Variants in NPAT observed in about 807,000 individuals in gnomAD.
NPAT encodes nuclear protein, coactivator of histone transcription.
In NPAT, 52 loss-of-function variants were observed where a neutral mutation model predicts 130.7. That is an observed-to-expected ratio of 0.40 (90% CI 0.32 to 0.50). The LOEUF is 0.50. NPAT is among the 20% of genes least tolerant of loss of function. The probability of loss-of-function intolerance (pLI) is 0.68; values close to 1 mark genes in which losing one functional copy is unlikely to be tolerated. For synonymous variants in NPAT, 580 were observed against 584.8 expected (o/e 0.99, Z 0.12); for missense variants, 1,687 against 1,662.6 (o/e 1.01, Z -0.26).
chr11:108,177,597 T>C (rs772104382), intron 10 of NPAT, among the ~76,000 whole-genome samples: 1 of 152,226 alleles, frequency 6.6e-6, no homozygotes, highest in East Asian at 1.9e-4. Flanking sequence ...CAAAACTAGA[T>C]AGGTGTTTCC....
At chr11:108,206,566 G>C (rs1189468649) in intron 1 of NPAT, among the ~76,000 whole-genome samples, 1 of 152,118 alleles carries the variant, frequency 6.6e-6, no homozygotes, top group African/African-American at 2.4e-5. Flanking sequence ...GAAGCTTGGA[G>C]ACATCAAGAA....
chr11:108,181,176 A>G lies in NPAT; in HGVS notation c.906+4056T>C, dbSNP rs189277380. Among the ~76,000 whole-genome samples, 48 of 152,348 alleles carry G rather than the reference A, an allele frequency of 3.2e-4. 1 individual carries two copies. The highest frequency in any genetic ancestry group is 1.2e-3 in the East Asian group (6 of 5,186). On this transcript the variant is annotated intron_variant, in intron 10 of 17. Coordinates refer to ENST00000278612, the MANE Select transcript of NPAT (RefSeq NM_002519.3). ...GAAGTAACTATGATTAAATGAGCCT[A>G]TAACTGGCTGGGTGTGGTGGCTCAC...
intron 15 of NPAT, among the ~76,000 whole-genome samples, chr11:108,165,491 G>T (rs966567430): frequency 2.8e-5 from 4 of 144,026 alleles, no homozygotes; most frequent in African/African-American, 1.0e-4. Flanking sequence ...TTGTGATAGG[G>T]TCTTGCTCTA....
At chr11:108,192,347 T>G (rs1250182347) in intron 3 of NPAT, among the ~76,000 whole-genome samples, 157 bp from the exon 4 acceptor site, 4 of 152,250 alleles carry the variant, frequency 2.6e-5, no homozygotes, top group African/African-American at 9.6e-5. Flanking sequence ...TGCAAAGCTA[T>G]AATGCGGTTG....
At chr11:108,181,487 A>C (rs1180154411) in intron 10 of NPAT, among the ~76,000 whole-genome samples, 1 of 152,102 alleles carries the variant, frequency 6.6e-6, no homozygotes. Context: ...AACAAAAAAA[A>C]CTTACAGCTA....
intron 1 of NPAT, among the ~76,000 whole-genome samples, chr11:108,205,009 C>T (rs1276884564): frequency 2.0e-5 from 3 of 152,220 alleles, no homozygotes; most frequent in African/African-American, 4.8e-5. Flanking sequence ...GGTAGCTCAA[C>T]AGTCTCTAAG....
chr11:108,162,038 AT>A lies in NPAT; in HGVS notation c.3072-25del, dbSNP rs1362844416. ...TTCTAAAACAAAACAAAACAAAACT[AT>A]TTCTAGCAGCATAAAGAAATCCTTT... On this transcript the variant is annotated intron_variant, in intron 16 of 17. Transcript: ENST00000278612. The A allele has an allele frequency of 6.2e-6, 10 of 1,611,692 alleles. No homozygotes were observed. The Admixed American group carries it at 1.5e-4, about 24-fold the overall frequency.
intron 1 of NPAT, among the ~76,000 whole-genome samples, chr11:108,204,153 C>G (rs79641592): frequency 1.3e-5 from 2 of 152,174 alleles, no homozygotes; most frequent in Non-Finnish European, 2.9e-5. Flanking sequence ...GGATTGATAG[C>G]AGCAAGAGAC....
chr11:108,194,493 TAGA>T (rs1480918013), intron 2 of NPAT, among the ~76,000 whole-genome samples: 1 of 152,244 alleles, frequency 6.6e-6, no homozygotes, highest in Non-Finnish European at 1.5e-5. Context: ...ATTGTTAATT[TAGA>T]AGAAATCAGA....
At chr11:108,188,004 T>C (rs2134860516) in intron 7 of NPAT, 94 bp downstream of exon 7, 1 of 851,308 alleles carries the variant, frequency 1.2e-6, no homozygotes, top group Non-Finnish European at 2.0e-6. Flanking sequence ...AATCTGGTCC[T>C]ATTAGTTTAT....
chr11:108,215,370 A>G (rs2078423933), intron 1 of NPAT, among the ~76,000 whole-genome samples: 1 of 152,158 alleles, frequency 6.6e-6, no homozygotes, highest in South Asian at 2.1e-4. Context: ...ACTGGGGCCT[A>G]TTGGAGGTGA....
intron 15 of NPAT, among the ~76,000 whole-genome samples, chr11:108,162,467 A>G (rs1195778249): frequency 6.6e-6 from 1 of 152,104 alleles, no homozygotes; most frequent in Admixed American, 6.6e-5. Context: ...GTCATGCTCT[A>G]TCACCCAGGC....
chr11:108,199,342 C>A (rs990731569), intron 1 of NPAT, among the ~76,000 whole-genome samples: 1 of 152,176 alleles, frequency 6.6e-6, no homozygotes, highest in Non-Finnish European at 1.5e-5. Context: ...GCATGGAATC[C>A]GGGCCAGAAG....
rs1475504478 is a variant in NPAT at position 108,172,385 on chromosome 11, G to T, written c.2599C>A (p.Leu867Met). ...GGATCAGTCACACAGGTAGCTATCA[G>T]AATGTTATTTGAATTGCCAAAAGCT... is the stretch of plus-strand genomic sequence containing the variant. ...STAFGNSNNILIATCVTDPTA... is the reference protein window; with the variant it reads ...STAFGNSNNIMIATCVTDPTA... Residue 867 changes from leucine (L) to methionine (M), a missense_variant, in exon 13 of 18, where the codon CTG (leucine) becomes ATG (methionine). Coordinates refer to ENST00000278612, the MANE Select transcript of NPAT (RefSeq NM_002519.3). 3.7e-6 allele frequency: 6 copies of T among 1,614,214 alleles called. No individual in the cohort carries two copies. Among genetic ancestry groups the T allele is most frequent in the African/African-American group, 1.3e-5 (1 of 75,062 alleles).
At chr11:108,159,739 A>AGT (rs2077827221) in intron 17 of NPAT, among the ~76,000 whole-genome samples, 1 of 152,116 alleles carries the variant, frequency 6.6e-6, no homozygotes, top group East Asian at 1.9e-4. Flanking sequence ...GGCCAGGCGC[A>AGT]GTGGCTCATG....
chr11:108,163,193 C>A (rs926614318), intron 15 of NPAT, among the ~76,000 whole-genome samples: 1 of 152,098 alleles, frequency 6.6e-6, no homozygotes, highest in Non-Finnish European at 1.5e-5. Flanking sequence ...AATTCTAGTG[C>A]CTCAGCCTCC....
chr11:108,161,585 C>T lies in NPAT; in HGVS notation c.3501G>A (p.Lys1167=). 1 of 1,614,146 alleles carries T rather than the reference C, an allele frequency of 6.2e-7. No individual in the cohort carries two copies. Among genetic ancestry groups the T allele is most frequent in the Non-Finnish European group, 8.5e-7 (1 of 1,180,022 alleles). Residue 1167 remains lysine (K), a synonymous_variant, in exon 17 of 18, where the codon AAG becomes AAA. Transcript: ENST00000278612. ...CTACATCGCTGCATAATTCATTCTCCTTATTAGCTGTTGCTTTATGGAAAG... is the reference window on the plus strand; with the variant it reads ...CTACATCGCTGCATAATTCATTCTCTTTATTAGCTGTTGCTTTATGGAAAG... ...LESFHKATAN[K]ENELCSDVER... is the part of the protein sequence containing the mutation.
intron 10 of NPAT, among the ~76,000 whole-genome samples, chr11:108,182,970 C>G (rs2078071417): frequency 6.6e-6 from 1 of 152,126 alleles, no homozygotes; most frequent in Non-Finnish European, 1.5e-5. Context: ...AAACTTAGAA[C>G]AGAGCATACA....
intron 3 of NPAT, 45 bp from the exon 4 acceptor site, chr11:108,192,235 A>T (rs1267281271): frequency 8.3e-7 from 1 of 1,203,394 alleles, no homozygotes. Flanking sequence ...AGCTGAAGAA[A>T]TTTCATCATT....
Sources: allele counts gnomAD v4.1 joint callset (sites outside exome capture counted in the v4.1 genomes callset), GRCh38; gene constraint gnomAD v4.1.1; transcripts MANE v1.5; gene names NCBI Gene and HGNC (gene_info 2026-07-23, HGNC 2026-07-21).